NTM: variants seen among roughly 807,000 people sequenced by gnomAD.
The protein encoded by NTM is neurotrimin, also known as IgLON family member 2.
In NTM, 13 loss-of-function variants were observed where a neutral mutation model predicts 42.1. The ratio of observed to expected loss-of-function variants is 0.31; its 90% CI spans 0.20 to 0.49. NTM has a LOEUF of 0.49. Among genes scored for constraint, NTM ranks in the 20% least tolerant of loss-of-function variants. The probability of loss-of-function intolerance (pLI) is 0.99; values close to 1 mark genes in which losing one functional copy is unlikely to be tolerated. For missense variants in NTM, 373 were observed against 452.8 expected (o/e 0.82, Z 1.60); for synonymous variants, 187 against 179.2 (o/e 1.04, Z -0.35).
At chr11:131,649,390 T>C (rs954257343) in intron 1 of NTM, among the ~76,000 whole-genome samples, 3 of 152,194 alleles carry the variant, frequency 2.0e-5, no homozygotes, top group African/African-American at 4.8e-5. Context: ...GGAATAAGTA[T>C]TGAACGGGAT....
At chr11:131,707,783 A>G (rs2076734557) in intron 1 of NTM, among the ~76,000 whole-genome samples, 1 of 152,128 alleles carries the variant, frequency 6.6e-6, no homozygotes. Context: ...CTTCAACATA[A>G]TAAAGGTGAC....
chr11:131,757,462 T>C (rs1278570781), intron 1 of NTM, among the ~76,000 whole-genome samples: 2 of 152,228 alleles, frequency 1.3e-5, no homozygotes, highest in Non-Finnish European at 2.9e-5. Flanking sequence ...ATAGGACTGA[T>C]ATGTAGCTGC....
chr11:131,517,458 C>T (rs2049035355), intron 1 of NTM, among the ~76,000 whole-genome samples: 1 of 152,170 alleles, frequency 6.6e-6, no homozygotes, highest in African/African-American at 2.4e-5. Context: ...TGAGGCAAAA[C>T]AATAGGCAGG....
At chr11:132,162,048 T>C (rs1327278269) in intron 3 of NTM, among the ~76,000 whole-genome samples, 1 of 152,220 alleles carries the variant, frequency 6.6e-6, no homozygotes, top group African/African-American at 2.4e-5. Flanking sequence ...GGTGTCTTTC[T>C]TGAGATCCAA....
chr11:131,961,441 G>A (rs11222851), intron 2 of NTM, among the ~76,000 whole-genome samples: 62,435 of 152,024 alleles, frequency 0.41, 13,051 homozygotes, highest in Middle Eastern at 0.5. Flanking sequence ...ATTAAAGCCC[G>A]TCAAGTAATC....
intron 2 of NTM, among the ~76,000 whole-genome samples, chr11:131,978,093 T>C (rs1176423986): frequency 1.3e-5 from 2 of 152,148 alleles, no homozygotes; most frequent in African/African-American, 4.8e-5. Context: ...AGCTGAGCTG[T>C]ACCTTCTGGA....
At chr11:131,921,614 A>G (rs1413814623) in intron 2 of NTM, among the ~76,000 whole-genome samples, 1 of 152,184 alleles carries the variant, frequency 6.6e-6, no homozygotes, top group Non-Finnish European at 1.5e-5. Flanking sequence ...TAATTTTGTT[A>G]AATAATAGTA....
chr11:132,200,235 A>C (rs2080945804), intron 3 of NTM, among the ~76,000 whole-genome samples: 1 of 152,194 alleles, frequency 6.6e-6, no homozygotes, highest in African/African-American at 2.4e-5. Context: ...CCAGGATTCA[A>C]GATTCAAGGT....
chr11:131,382,014 G>A (rs191272350), intron 1 of NTM, among the ~76,000 whole-genome samples: 12 of 152,286 alleles, frequency 7.9e-5, no homozygotes, highest in African/African-American at 2.9e-4. Flanking sequence ...CATTCTTGAT[G>A]CCTCCTCAAT....
intron 3 of NTM, among the ~76,000 whole-genome samples, chr11:132,174,876 T>G (rs117649888): frequency 0.015 from 2,329 of 152,226 alleles, 30 homozygotes; most frequent in Non-Finnish European, 0.021. Context: ...GAGAGGTTAT[T>G]GTCAGGCAGG....
intron 3 of NTM, among the ~76,000 whole-genome samples, chr11:132,188,156 C>A (rs778660805): frequency 6.6e-6 from 1 of 152,138 alleles, no homozygotes; most frequent in East Asian, 1.9e-4. Context: ...ATGCTACTGG[C>A]ATCTAGTGGG....
At chr11:131,550,142 A>G (rs960966579) in intron 1 of NTM, among the ~76,000 whole-genome samples, 1 of 152,230 alleles carries the variant, frequency 6.6e-6, no homozygotes, top group Non-Finnish European at 1.5e-5. Flanking sequence ...ATAGATAACG[A>G]CATTAAATGT....
chr11:132,019,363 G>C (rs969925581), intron 2 of NTM, among the ~76,000 whole-genome samples: 1 of 151,954 alleles, frequency 6.6e-6, no homozygotes, highest in Non-Finnish European at 1.5e-5. Flanking sequence ...TTGGTTGATA[G>C]TGTTGCTCAA....
chr11:132,130,808 G>A (rs1234128908), intron 2 of NTM, among the ~76,000 whole-genome samples: 1 of 152,172 alleles, frequency 6.6e-6, no homozygotes, highest in Non-Finnish European at 1.5e-5. Flanking sequence ...AGAGCAAGAT[G>A]GGAGATTTCT....
chr11:131,826,565 A>T (rs911784298), intron 1 of NTM, among the ~76,000 whole-genome samples: 1 of 9,766 alleles, frequency 1.0e-4, no homozygotes, highest in Non-Finnish European at 2.6e-4. Context: ...GTAATATTCT[A>T]AAAAAAAAAA....
intron 3 of NTM, among the ~76,000 whole-genome samples, chr11:132,202,548 C>T (rs1034929259): frequency 6.6e-6 from 1 of 152,122 alleles, no homozygotes; most frequent in Non-Finnish European, 1.5e-5. Flanking sequence ...CTTATGTTTC[C>T]ATGTTAAAAA....
chr11:132,266,996 A>T lies in NTM; in HGVS notation c.527-40693A>T, dbSNP rs1044773262. On this transcript the variant is annotated intron_variant, in intron 4 of 8. Coordinates refer to ENST00000683400, the MANE Select transcript of NTM (RefSeq NM_001352005.2). ...GTTGGCGTATCAAATCATGACGGAAATAACCAACACTGCAGTTCAAATAGC... is the reference window on the plus strand; with the variant it reads ...GTTGGCGTATCAAATCATGACGGAATTAACCAACACTGCAGTTCAAATAGC... 2.6e-5 allele frequency among the ~76,000 whole-genome samples: 4 copies of T among 152,222 alleles called. No individual in the cohort carries two copies. The East Asian group carries it at 7.7e-4, about 29-fold the overall frequency.
chr11:131,978,894 C>G (rs2064818193), intron 2 of NTM, among the ~76,000 whole-genome samples: 3 of 152,118 alleles, frequency 2.0e-5, no homozygotes. Context: ...ACCCTTTTAT[C>G]AGAAACACGT....
At chr11:131,863,299 T>G (rs2046831957) in intron 1 of NTM, among the ~76,000 whole-genome samples, 1 of 152,198 alleles carries the variant, frequency 6.6e-6, no homozygotes, top group African/African-American at 2.4e-5. Flanking sequence ...TTCTGAAAGA[T>G]TTCATCCAGG....
Sources: gnomAD v4.1 joint callset for allele counts (sites outside exome capture counted in the v4.1 genomes callset) on GRCh38, gnomAD v4.1.1 for gene constraint, MANE v1.5 for transcripts, NCBI Gene and HGNC (gene_info 2026-07-23, HGNC 2026-07-21) for gene names.